LZTFL1: variants seen among roughly 807,000 people sequenced by gnomAD.
LZTFL1 encodes leucine zipper transcription factor-like protein 1.
Under a neutral mutation model 45.9 loss-of-function variants are expected in LZTFL1, and 25 were observed. That is an observed-to-expected ratio of 0.54 (90% confidence interval 0.40 to 0.76). The LOEUF is 0.76. Among genes scored for constraint, LZTFL1 ranks in the 30% least tolerant of loss-of-function variants. LZTFL1 has a pLI of 0.00. For synonymous variants in LZTFL1, 93 were observed against 117.4 expected (o/e 0.79, Z 1.35); for missense variants, 277 against 331.1 (o/e 0.84, Z 1.27).
At chr3:45,831,928 T>C (rs1400484740) in intron 5 of LZTFL1, among the ~76,000 whole-genome samples, 3 of 152,172 alleles carry the variant, frequency 2.0e-5, no homozygotes, top group African/African-American at 7.2e-5. Flanking sequence ...TCAGTTCTAC[T>C]TTCCCAATAA....
intron 2 of LZTFL1, among the ~76,000 whole-genome samples, chr3:45,886,109 C>CT (rs1701973594): frequency 6.6e-6 from 1 of 152,214 alleles, no homozygotes; most frequent in Non-Finnish European, 1.5e-5. Flanking sequence ...GGTTCTGGTA[C>CT]GTCTGTCAAG....
intron 4 of LZTFL1, among the ~76,000 whole-genome samples, chr3:45,847,800 C>T (rs1401697693): frequency 1.3e-5 from 2 of 152,202 alleles, no homozygotes; most frequent in African/African-American, 4.8e-5. Flanking sequence ...TTAGATAATC[C>T]TTTCCTATTA....
intron 2 of LZTFL1, 66 bp downstream of exon 2, chr3:45,837,861 C>G: frequency 6.6e-7 from 1 of 1,507,144 alleles, no homozygotes; most frequent in Non-Finnish European, 8.9e-7. Flanking sequence ...GCTATGGCAC[C>G]CCCATACTGG....
intron 2 of LZTFL1, among the ~76,000 whole-genome samples, chr3:45,873,506 CTG>C (rs1701702250): frequency 1.3e-5 from 2 of 152,252 alleles, no homozygotes; most frequent in Non-Finnish European, 2.9e-5. Context: ...AGTACAGTGA[CTG>C]TAAAATTGTT....
At chr3:45,894,576 A>G (rs780150505) in intron 2 of LZTFL1, among the ~76,000 whole-genome samples, 96 of 152,228 alleles carry the variant, frequency 6.3e-4, no homozygotes, top group Admixed American at 1.8e-3. Flanking sequence ...ATGAGCTGGG[A>G]AAAATGTAAC....
intron 2 of LZTFL1, among the ~76,000 whole-genome samples, chr3:45,868,015 A>G (rs910766112): frequency 2.3e-4 from 34 of 147,606 alleles, no homozygotes; most frequent in Admixed American, 1.4e-4. Context: ...TTAATGCTAT[A>G]TATATATAAT....
chr3:45,881,928 C>CT (rs956734124), intron 2 of LZTFL1, among the ~76,000 whole-genome samples: 1 of 152,240 alleles, frequency 6.6e-6, no homozygotes, highest in African/African-American at 2.4e-5. Flanking sequence ...CTAGGGTGGC[C>CT]ACTGGCCATG....
At chr3:45,862,512 A>G (rs1295163798) in intron 2 of LZTFL1, among the ~76,000 whole-genome samples, 2 of 152,222 alleles carry the variant, frequency 1.3e-5, no homozygotes, top group African/African-American at 4.8e-5. Flanking sequence ...TGATTTTCAC[A>G]ACAACAACAA....
At chr3:45,888,865 G>A (rs1435991253) in intron 2 of LZTFL1, among the ~76,000 whole-genome samples, 2 of 152,216 alleles carry the variant, frequency 1.3e-5, no homozygotes, top group Non-Finnish European at 2.9e-5. Context: ...GGAGGGGTAT[G>A]TCCTGTTTTT....
chr3:45,841,186 C>T (rs923766408), intron 1 of LZTFL1, among the ~76,000 whole-genome samples: 3 of 152,204 alleles, frequency 2.0e-5, no homozygotes, highest in Admixed American at 1.3e-4. Flanking sequence ...TTCTCAGCTC[C>T]CAGACAGCGC....
chr3:45,867,893 T>C (rs1236591986), intron 2 of LZTFL1, among the ~76,000 whole-genome samples: 1 of 152,038 alleles, frequency 6.6e-6, no homozygotes, highest in Non-Finnish European at 1.5e-5. Context: ...CAAAGATAAA[T>C]GTCAGCCCCA....
intron 2 of LZTFL1, among the ~76,000 whole-genome samples, chr3:45,912,659 G>A (rs1199262666): frequency 6.6e-6 from 1 of 152,142 alleles, no homozygotes; most frequent in Non-Finnish European, 1.5e-5. Context: ...TTGACCAACT[G>A]ACCACAGATG....
intron 2 of LZTFL1, among the ~76,000 whole-genome samples, chr3:45,873,066 C>T (rs371788900): frequency 1.3e-5 from 2 of 151,932 alleles, no homozygotes; most frequent in East Asian, 1.9e-4. Flanking sequence ...AATACCATGA[C>T]CATGGCTAAA....
intron 4 of LZTFL1, among the ~76,000 whole-genome samples, chr3:45,850,994 G>A (rs563865557): frequency 2.0e-5 from 3 of 152,234 alleles, no homozygotes; most frequent in African/African-American, 7.2e-5. Context: ...GACCCACATA[G>A]CACCCCTTTG....
chr3:45,850,079 A>G (rs941351895), intron 4 of LZTFL1, among the ~76,000 whole-genome samples: 10 of 152,162 alleles, frequency 6.6e-5, no homozygotes, highest in Non-Finnish European at 1.5e-4. Flanking sequence ...GTTACTTAGA[A>G]TTTACAATAT....
chr3:45,841,366 G>A (rs1003050748), intron 1 of LZTFL1, among the ~76,000 whole-genome samples: 3 of 152,212 alleles, frequency 2.0e-5, no homozygotes, highest in Non-Finnish European at 4.4e-5. Flanking sequence ...TCGCTGGAGG[G>A]ATTAATGATA....
intron 2 of LZTFL1, among the ~76,000 whole-genome samples, chr3:45,868,963 T>C (rs1238041725): frequency 6.6e-6 from 1 of 152,202 alleles, no homozygotes; most frequent in Non-Finnish European, 1.5e-5. Flanking sequence ...ACCCCAGACC[T>C]ACTGACTCAG....
intron 2 of LZTFL1, among the ~76,000 whole-genome samples, chr3:45,836,327 A>G (rs1700965073): frequency 6.6e-6 from 1 of 152,176 alleles, no homozygotes; most frequent in Non-Finnish European, 1.5e-5. Flanking sequence ...ACACTCCACA[A>G]AAATGAATAT....
intron 2 of LZTFL1, among the ~76,000 whole-genome samples, chr3:45,880,195 T>C (rs1441137563): frequency 6.6e-6 from 1 of 152,142 alleles, no homozygotes; most frequent in Non-Finnish European, 1.5e-5. Flanking sequence ...CATGCAGCAA[T>C]CAGTGATCTG....
Sources: gnomAD v4.1 joint callset for allele counts (sites outside exome capture counted in the v4.1 genomes callset) on GRCh38, gnomAD v4.1.1 for gene constraint, MANE v1.5 for transcripts, NCBI Gene and HGNC (gene_info 2026-07-23, HGNC 2026-07-21) for gene names.